The following WNK2 variants were observed in gnomAD, a reference collection of about 807,000 sequenced individuals.
WNK2 encodes WNK lysine deficient protein kinase 2, also known as serine/threonine-protein kinase WNK2.
In WNK2, 67 loss-of-function variants were observed where a neutral mutation model predicts 192.1. The ratio of observed to expected loss-of-function variants is 0.35; its 90% CI spans 0.29 to 0.43. The LOEUF (loss-of-function observed/expected upper bound fraction) is 0.43, where lower values mean the gene tolerates loss of function less well. Among genes scored for constraint, WNK2 ranks in the 20% least tolerant of loss-of-function variants. The probability of loss-of-function intolerance (pLI) is 1.00; values close to 1 mark genes in which losing one functional copy is unlikely to be tolerated. For missense variants in WNK2, 2,698 were observed against 3,089.7 expected, an observed-to-expected ratio of 0.87 and a Z score of 3.01; for synonymous variants, 1,439 against 1,393.9, an observed-to-expected ratio of 1.03 and a Z score of -0.72.
Position 93,292,797 on chromosome 9 carries a change from G to A in WNK2, c.5332G>A (p.Ala1778Thr). 2 of 1,539,438 alleles carry A rather than the reference G, an allele frequency of 1.3e-6. No homozygotes were observed. Among genetic ancestry groups the A allele is most frequent in the Non-Finnish European group, 8.7e-7 (1 of 1,142,904 alleles). The change falls in exon 23 of 30, where the codon GCC (alanine) becomes ACC (threonine). Residue 1778 changes from alanine to threonine, a missense_variant. Around this residue, in one of 7 missense-constraint regions of WNK2, gnomAD observed 1,098 missense variants for 1,101.0 expected, o/e 1.00. Transcript: ENST00000427277. ...CCCACCCGACGTCTACCTGGACGAG[G>A]CCCCCTCCAGCCCCGACGTGAAGCT... ...SAPPDVYLDEAPSSPDVKLAV... is the reference protein window; with the variant it reads ...SAPPDVYLDETPSSPDVKLAV...
At chr9:93,291,872 G>A (rs568542053) in intron 21 of WNK2, among the ~76,000 whole-genome samples, 47 of 152,346 alleles carry the variant, frequency 3.1e-4, no homozygotes, top group Middle Eastern at 3.4e-3. Context: ...CGGAATAGCT[G>A]CAGGTGCAGT....
intron 29 of WNK2, chr9:93,319,289 G>T: frequency 6.8e-7 from 1 of 1,476,858 alleles, no homozygotes; most frequent in Non-Finnish European, 9.0e-7. Flanking sequence ...CACAGGAGTT[G>T]GGAGCCAGTT....
At chr9:93,305,666 T>G (rs1852385728) in intron 26 of WNK2, among the ~76,000 whole-genome samples, 1 of 152,220 alleles carries the variant, frequency 6.6e-6, no homozygotes, top group Non-Finnish European at 1.5e-5. Context: ...GGACGACAAG[T>G]TGCCCGCTGT....
chr9:93,188,080 G>A (rs1349473639), intron 2 of WNK2, among the ~76,000 whole-genome samples: 1 of 152,120 alleles, frequency 6.6e-6, no homozygotes. Context: ...TGGGAGTCAC[G>A]CTTTACACTG....
chr9:93,268,811 G>A, intron 19 of WNK2, 65 bp downstream of exon 19: 1 of 1,581,228 alleles, frequency 6.3e-7, no homozygotes, highest in Non-Finnish European at 8.6e-7. Context: ...TTCTGTGCAT[G>A]ACCCAGCCGG....
At chr9:93,303,940 G>A (rs1294361986) in intron 26 of WNK2, among the ~76,000 whole-genome samples, 1 of 152,230 alleles carries the variant, frequency 6.6e-6, no homozygotes, top group Non-Finnish European at 1.5e-5. Context: ...CATGGCGGGG[G>A]CTGACCCACC....
At position 93,297,904 on chromosome 9, in the gene WNK2, A is replaced by C; in HGVS notation, c.5760A>C (p.Glu1920Asp). ...AGAGCCAGCAGAAGCAGGAGATCGAAGCTCTGTACCGCCGCCTGGGCAAGC... is the reference window on the plus strand; with the variant it reads ...AGAGCCAGCAGAAGCAGGAGATCGACGCTCTGTACCGCCGCCTGGGCAAGC... ...ELQSQQKQEI[E>D]ALYRRLGKPL... Residue 1920 changes from glutamate (E) to aspartate (D), a missense_variant, in exon 24 of 30, where the codon GAA becomes GAC. By Grantham distance (45) the Glu-to-Asp change is conservative. Coordinates refer to ENST00000427277, the MANE Select transcript of WNK2 (RefSeq NM_006648.4). The C allele has an allele frequency of 1.9e-6, 3 of 1,593,718 alleles. No individual in the cohort carries two copies. Among genetic ancestry groups the C allele is most frequent in the Non-Finnish European group, 2.6e-6 (3 of 1,171,504 alleles).
chr9:93,197,655 G>A (rs999064739), intron 2 of WNK2, among the ~76,000 whole-genome samples: 17 of 152,084 alleles, frequency 1.1e-4, no homozygotes, highest in Non-Finnish European at 1.6e-4. Context: ...CCGAGTAGCT[G>A]GGATTTATAG....
chr9:93,253,548 C>G (rs937036452), intron 9 of WNK2, among the ~76,000 whole-genome samples: 1 of 152,084 alleles, frequency 6.6e-6, no homozygotes, highest in African/African-American at 2.4e-5. Context: ...ATCATTTGTA[C>G]GAAGGAAACC....
chr9:93,218,689 G>C (rs1197179726), intron 2 of WNK2, among the ~76,000 whole-genome samples: 1 of 152,140 alleles, frequency 6.6e-6, no homozygotes, highest in Non-Finnish European at 1.5e-5. Context: ...AACAGGAAAG[G>C]CCTCCTCCTT....
chr9:93,304,750 G>A (rs1341569974), intron 26 of WNK2, among the ~76,000 whole-genome samples: 9 of 152,348 alleles, frequency 5.9e-5, no homozygotes, highest in African/African-American at 1.7e-4. Context: ...ACCTAAGGAC[G>A]GGCAGGGCTG....
rs1351500194 is a variant in WNK2, at chr9:93,211,597, TCCACTCACTCAC to T, written c.682-18091_682-18080del. 3.6e-5 allele frequency among the ~76,000 whole-genome samples: 5 copies of T among 138,552 alleles called. No individual in the cohort carries two copies. The South Asian group carries it at 7.3e-4, about 20-fold the overall frequency. The allele number at this position is 138,552 out of a possible 152,430, so 90.9% of individuals were successfully genotyped here. ...ATTCACTCACTCATTTACTCACTCA[TCCACTCACTCAC>T]CCACTCATTCACTCACCCACCCACT... is the stretch of plus-strand genomic sequence containing the variant. On this transcript the variant is annotated intron_variant, in intron 2 of 29. Transcript: ENST00000427277.
rs1325776859 is a variant in WNK2 at position 93,264,071 on chromosome 9, C to T, written c.3696+38C>T. The T allele has an allele frequency of 2.7e-6, 4 of 1,498,794 alleles. No individual in the cohort carries two copies. In the Admixed American group the frequency reaches 7.1e-5, roughly 27 times the overall value. The allele number at this position is 1,498,794 out of a possible 1,614,324, so 92.8% of individuals were successfully genotyped here. ...CTGGGTGGCTTGGCTCCCGGTGTTTCTTGGACACGTGTGGGCCTGAGCAGA... is the reference window on the plus strand; with the variant it reads ...CTGGGTGGCTTGGCTCCCGGTGTTTTTTGGACACGTGTGGGCCTGAGCAGA... On this transcript the variant is annotated intron_variant, in intron 16 of 29. Transcript: ENST00000427277.
chr9:93,241,495 G>A (rs1465278390), intron 7 of WNK2, among the ~76,000 whole-genome samples: 2 of 152,204 alleles, frequency 1.3e-5, no homozygotes, highest in South Asian at 2.1e-4. Context: ...ATGTCCATCA[G>A]TCACCAGTTC....
intron 28 of WNK2, among the ~76,000 whole-genome samples, chr9:93,311,086 G>A (rs1043988935): frequency 6.6e-6 from 1 of 152,102 alleles, no homozygotes; most frequent in African/African-American, 2.4e-5. Context: ...CCAGCCCCTG[G>A]GAACTTCCAT....
chr9:93,274,651 A>C (rs1397564527), intron 19 of WNK2, among the ~76,000 whole-genome samples: 1 of 152,236 alleles, frequency 6.6e-6, no homozygotes, highest in Non-Finnish European at 1.5e-5. Context: ...ACAGAAATTA[A>C]ACAATTTAGG....
chr9:93,266,341 A>G (rs1193767244), intron 16 of WNK2, among the ~76,000 whole-genome samples: 1 of 152,250 alleles, frequency 6.6e-6, no homozygotes, highest in Middle Eastern at 3.2e-3. Context: ...GTGGAACTGC[A>G]GAAGTTTCAT....
At chr9:93,300,426 G>A (rs115152210) in intron 26 of WNK2, 3,990 of 344,570 alleles carry the variant, frequency 0.012, 143 homozygotes, top group African/African-American at 0.078. Flanking sequence ...CTTCCGCCCC[G>A]GGCACCTCTG....
intron 2 of WNK2, among the ~76,000 whole-genome samples, chr9:93,194,679 T>C (rs1402268736): frequency 6.6e-6 from 1 of 152,228 alleles, no homozygotes; most frequent in Admixed American, 6.5e-5. Context: ...ACTCTTACTA[T>C]GCAATCCAGC....
Sources: gnomAD v4.1 joint callset for allele counts (sites outside exome capture counted in the v4.1 genomes callset) on GRCh38, gnomAD v4.1.1 for gene constraint, gnomAD v4.1.1 regional missense constraint, MANE v1.5 for transcripts, NCBI Gene and HGNC (gene_info 2026-07-23, HGNC 2026-07-21) for gene names.